ERC2: variants seen among roughly 807,000 people sequenced by gnomAD.
The protein encoded by ERC2 is ERC protein 2.
Under a neutral mutation model 114.8 loss-of-function variants are expected in ERC2, and 42 were observed. The ratio of observed to expected loss-of-function variants is 0.37; its 90% CI spans 0.29 to 0.47. ERC2 has a LOEUF of 0.47. ERC2 is among the 20% of genes least tolerant of loss of function. The probability of loss-of-function intolerance (pLI) is 0.99; values close to 1 mark genes in which losing one functional copy is unlikely to be tolerated. For missense variants in ERC2, 939 were observed against 1,150.7 expected (o/e 0.82, Z 2.66); for synonymous variants, 454 against 425.5 (o/e 1.07, Z -0.82).
chr3:55,686,124 A>G (rs1268327075), intron 16 of ERC2, among the ~76,000 whole-genome samples: 3 of 152,308 alleles, frequency 2.0e-5, no homozygotes, highest in Non-Finnish European at 4.4e-5. Flanking sequence ...CAATATCACT[A>G]CTACTGTTCC....
chr3:55,541,045 A>G (rs936679181), intron 17 of ERC2, among the ~76,000 whole-genome samples: 1 of 152,172 alleles, frequency 6.6e-6, no homozygotes, highest in Admixed American at 6.5e-5. Context: ...GAATTTCAGA[A>G]ACTCAAGAAA....
At chr3:56,391,229 A>T (rs1355940039) in intron 2 of ERC2, among the ~76,000 whole-genome samples, 1 of 152,204 alleles carries the variant, frequency 6.6e-6, no homozygotes, top group African/African-American at 2.4e-5. Context: ...TGTCATAAGA[A>T]GGAGGAGGCT....
At chr3:56,182,311 T>A (rs1229470440) in intron 3 of ERC2, among the ~76,000 whole-genome samples, 1 of 152,186 alleles carries the variant, frequency 6.6e-6, no homozygotes, top group Non-Finnish European at 1.5e-5. Context: ...TCTATGCCCA[T>A]TACATGCTCA....
chr3:55,905,437 G>T (rs1249390234), intron 13 of ERC2, among the ~76,000 whole-genome samples: 1 of 151,588 alleles, frequency 6.6e-6, no homozygotes, highest in Non-Finnish European at 1.5e-5. Context: ...TGGTGGTGGT[G>T]GTGGTCGTGT....
At chr3:56,413,873 A>AAT (rs1238914834) in intron 2 of ERC2, among the ~76,000 whole-genome samples, 1 of 152,202 alleles carries the variant, frequency 6.6e-6, no homozygotes, top group African/African-American at 2.4e-5. Context: ...CCGCTTTAAT[A>AAT]ATAGCACTGG....
chr3:56,213,896 T>C (rs542314424), intron 3 of ERC2, among the ~76,000 whole-genome samples: 1 of 151,936 alleles, frequency 6.6e-6, no homozygotes, highest in Admixed American at 6.6e-5. Flanking sequence ...GAAAACGGGG[T>C]CTAGAGTGGA....
rs919162195 is a variant in ERC2, at chr3:55,655,944, T to C, written c.*39+27850A>G. On this transcript the variant is annotated intron_variant, in intron 17 of 17. Transcript: ENST00000288221. ...GCAGATCCTATTATTTTCTTCATGT[T>C]TTATCTGAGGAAACTGAGCCTTAAA... Among the ~76,000 whole-genome samples the C allele has an allele frequency of 3.3e-5, 5 of 152,158 alleles. No individual in the cohort carries two copies. The East Asian group carries it at 9.6e-4, about 29-fold the overall frequency.
At chr3:55,906,347 G>T (rs1576129764) in intron 13 of ERC2, among the ~76,000 whole-genome samples, 1 of 150,796 alleles carries the variant, frequency 6.6e-6, no homozygotes, top group South Asian at 2.1e-4. Flanking sequence ...CAGGAGAATG[G>T]CGTGAACCCG....
intron 10 of ERC2, among the ~76,000 whole-genome samples, chr3:55,999,079 G>A (rs1025779830): frequency 2.6e-5 from 4 of 152,234 alleles, no homozygotes; most frequent in South Asian, 2.1e-4. Context: ...AAAGACTCCC[G>A]ATACCATCTC....
chr3:56,283,481 A>G (rs535525252), intron 3 of ERC2, among the ~76,000 whole-genome samples: 1 of 152,322 alleles, frequency 6.6e-6, no homozygotes, highest in Admixed American at 6.5e-5. Context: ...AAAAAAATAA[A>G]AAGTCATTTC....
At chr3:55,989,643 T>A (rs2070901991) in intron 11 of ERC2, among the ~76,000 whole-genome samples, 1 of 152,170 alleles carries the variant, frequency 6.6e-6, no homozygotes, top group Admixed American at 6.5e-5. Flanking sequence ...TGAGTTTGAA[T>A]CCTGATTAGA....
chr3:56,431,990 C>T (rs781650975), intron 2 of ERC2, among the ~76,000 whole-genome samples: 116 of 152,110 alleles, frequency 7.6e-4, no homozygotes, highest in Non-Finnish European at 1.4e-3. Context: ...CAACCTGAGA[C>T]GGTTAAGTGG....
intron 17 of ERC2, among the ~76,000 whole-genome samples, chr3:55,596,716 A>C (rs7625087): frequency 6.6e-6 from 1 of 152,392 alleles, no homozygotes; most frequent in East Asian, 1.9e-4. Context: ...ACAGAAATGT[A>C]AAGGCAAGAG....
chr3:56,147,438 T>C (rs901825114), intron 5 of ERC2, among the ~76,000 whole-genome samples: 3 of 152,188 alleles, frequency 2.0e-5, no homozygotes, highest in African/African-American at 4.8e-5. Context: ...ATGAATAGTT[T>C]TGTGTTTTTT....
intron 3 of ERC2, among the ~76,000 whole-genome samples, chr3:56,206,906 C>T (rs1412529761): frequency 6.6e-6 from 1 of 152,210 alleles, no homozygotes; most frequent in African/African-American, 2.4e-5. Flanking sequence ...ATAGATGCAA[C>T]AGAGCTACCT....
At chr3:56,127,290 A>G (rs1023861921) in intron 6 of ERC2, among the ~76,000 whole-genome samples, 4 of 152,344 alleles carry the variant, frequency 2.6e-5, no homozygotes, top group African/African-American at 7.2e-5. Flanking sequence ...TAAAATATCA[A>G]TGACATTCTT....
intron 17 of ERC2, among the ~76,000 whole-genome samples, chr3:55,615,814 C>A (rs546980455): frequency 6.6e-6 from 1 of 152,104 alleles, no homozygotes; most frequent in Non-Finnish European, 1.5e-5. Context: ...AAGTGGCATG[C>A]GAGCAGGAAC....
intron 6 of ERC2, among the ~76,000 whole-genome samples, chr3:56,105,934 C>T (rs2078632560): frequency 6.6e-6 from 1 of 152,196 alleles, no homozygotes; most frequent in Non-Finnish European, 1.5e-5. Context: ...TAAAACACAA[C>T]TTGAAAGTCA....
intron 6 of ERC2, among the ~76,000 whole-genome samples, chr3:56,123,689 T>C (rs1229613570): frequency 6.6e-6 from 1 of 152,090 alleles, no homozygotes; most frequent in African/African-American, 2.4e-5. Context: ...GCAGTCAGAG[T>C]GGTTGGTCTT....
Sources: allele counts gnomAD v4.1 joint callset (sites outside exome capture counted in the v4.1 genomes callset), GRCh38; gene constraint gnomAD v4.1.1; transcripts MANE v1.5; gene names NCBI Gene and HGNC (gene_info 2026-07-23, HGNC 2026-07-21).